DMD: variants seen among roughly 807,000 people sequenced by gnomAD.
DMD encodes mutant dystrophin.
Under a neutral mutation model 330.1 loss-of-function variants are expected in DMD, and 63 were observed. The observed-to-expected ratio is 0.19, with a 90% CI of 0.16 to 0.24. The LOEUF is 0.24. DMD is among the 10% of genes least tolerant of loss of function. The probability of loss-of-function intolerance (pLI) is 1.00; values close to 1 mark genes in which losing one functional copy is unlikely to be tolerated. For missense variants in DMD, 3,344 were observed against 2,684.1 expected (o/e 1.25, Z -5.43); for synonymous variants, 1,223 against 959.8 (o/e 1.27, Z -5.07).
chrX:31,361,722 A>C (rs2058945257), intron 60 of DMD, among the ~76,000 whole-genome samples: 1 of 110,607 alleles, frequency 9.0e-6, no homozygotes, highest in Non-Finnish European at 1.9e-5. Flanking sequence ...TTATAGTGTC[A>C]ATCTTTCCTT....
chrX:31,170,209 A>G (rs767858530), intron 73 of DMD, among the ~76,000 whole-genome samples: 68 of 112,007 alleles, frequency 6.1e-4, no homozygotes, highest in Non-Finnish European at 8.3e-4. Flanking sequence ...TTAAGGGGAA[A>G]AAAGACATTA....
intron 2 of DMD, among the ~76,000 whole-genome samples, chrX:32,919,272 G>A (rs2088147234): frequency 8.9e-6 from 1 of 111,889 alleles, no homozygotes; most frequent in African/African-American, 3.2e-5. Flanking sequence ...AATAGTGTTG[G>A]TTGATGAAAA....
intron 43 of DMD, among the ~76,000 whole-genome samples, chrX:32,249,881 C>A (rs2097256611): frequency 9.0e-6 from 1 of 111,619 alleles, no homozygotes; most frequent in Admixed American, 9.6e-5. Flanking sequence ...GGCTGCATCA[C>A]CTAGCCATAA....
intron 1 of DMD, among the ~76,000 whole-genome samples, chrX:33,064,126 G>C (rs2148103637): frequency 9.1e-6 from 1 of 110,450 alleles, no homozygotes; most frequent in East Asian, 2.9e-4. Flanking sequence ...CATTTTGATA[G>C]GGCACAGTAG....
At chrX:31,971,382 G>C in intron 44 of DMD, among the ~76,000 whole-genome samples, 1 of 111,460 alleles carries the variant, frequency 9.0e-6, no homozygotes, top group East Asian at 2.8e-4. Context: ...TTATTATTTC[G>C]GTTTCCCAAA....
rs183357170 is a variant in DMD, at chrX:32,789,484, T to A, written c.649+20009A>T. On this transcript the variant is annotated intron_variant, in intron 7 of 78. Coordinates refer to ENST00000357033, the MANE Select transcript of DMD (RefSeq NM_004006.3). ...ACTGAGCTTCTAAAAATTGCTGATG[T>A]CACAGCCCGTCCTCAGTGAAATAAA... 6.8e-4 allele frequency among the ~76,000 whole-genome samples: 76 copies of A among 112,201 alleles called. 1 individual carries two copies. The highest frequency in any genetic ancestry group is 1.8e-3 in the African/African-American group (57 of 30,942).
At chrX:33,277,951 A>T (rs1191037351) in intron 1 of DMD, among the ~76,000 whole-genome samples, 1 of 110,338 alleles carries the variant, frequency 9.1e-6, no homozygotes, top group African/African-American at 3.3e-5. Context: ...AACAATTTTT[A>T]AAAATGGGCC....
At chrX:31,741,828 C>T (rs2087365824) in intron 51 of DMD, among the ~76,000 whole-genome samples, 1 of 111,535 alleles carries the variant, frequency 9.0e-6, no homozygotes, top group Admixed American at 9.6e-5. Context: ...TTCTCTCTAG[C>T]TATGAAAGTC....
chrX:32,452,387 GGGAAAGGGAAGGGAAA>G lies in DMD; in HGVS notation c.3603+2259_3603+2274del, dbSNP rs1361466018. On this transcript the variant is annotated intron_variant, in intron 26 of 78. Coordinates refer to ENST00000357033, the MANE Select transcript of DMD (RefSeq NM_004006.3). ...AGGGAAAGGGAAAGGGAAAGGGAAA[GGGAAAGGGAAGGGAAA>G]GGAAAGGGAAAGGGAAAGGGAAAGG... 1.5e-3 allele frequency among the ~76,000 whole-genome samples: 27 copies of G among 17,801 alleles called. 7 individuals carry two copies. Among genetic ancestry groups the G allele is most frequent in the Non-Finnish European group, 2.3e-3 (22 of 9,399 alleles). 15.5% of individuals were successfully genotyped at this position (17,801 alleles called of 115,157 possible).
At chrX:33,148,494 A>G (rs895917021) in intron 1 of DMD, among the ~76,000 whole-genome samples, 1 of 112,131 alleles carries the variant, frequency 8.9e-6, no homozygotes, top group Admixed American at 9.6e-5. Flanking sequence ...GTTAAATTAA[A>G]TAAAAGAAGG....
chrX:32,355,652 C>A (rs967535067), intron 37 of DMD, among the ~76,000 whole-genome samples: 8 of 111,215 alleles, frequency 7.2e-5, no homozygotes, highest in African/African-American at 2.6e-4. Context: ...ACCAATTACA[C>A]ATGTGGAAAA....
chrX:32,556,734 T>C (rs2050346752), intron 16 of DMD, among the ~76,000 whole-genome samples: 1 of 112,004 alleles, frequency 8.9e-6, no homozygotes, highest in Non-Finnish European at 1.9e-5. Context: ...TATTTTTGAC[T>C]GATATTCTTA....
At chrX:32,899,393 C>A (rs946347488) in intron 2 of DMD, among the ~76,000 whole-genome samples, 6 of 110,703 alleles carry the variant, frequency 5.4e-5, no homozygotes, top group Non-Finnish European at 1.1e-4. Context: ...CTTAATTCTA[C>A]GGCCGGGTGC....
intron 2 of DMD, among the ~76,000 whole-genome samples, chrX:32,943,095 A>G (rs2090541746): frequency 8.9e-6 from 1 of 111,762 alleles, no homozygotes; most frequent in African/African-American, 3.2e-5. Flanking sequence ...AGATATAAAC[A>G]TGTTATTACA....
At chrX:32,208,250 C>T (rs189795695) in intron 44 of DMD, among the ~76,000 whole-genome samples, 1 of 112,055 alleles carries the variant, frequency 8.9e-6, no homozygotes, top group East Asian at 2.8e-4. Context: ...GTGGAAACAA[C>T]GTTGGTATTC....
chrX:32,778,264 T>G (rs1471263943), intron 7 of DMD, among the ~76,000 whole-genome samples: 1 of 104,280 alleles, frequency 9.6e-6, no homozygotes, highest in African/African-American at 3.5e-5. Flanking sequence ...AAAAAAAATA[T>G]GGACTTTCGT....
At chrX:32,107,047 T>G (rs2096567043) in intron 44 of DMD, among the ~76,000 whole-genome samples, 2 of 111,407 alleles carry the variant, frequency 1.8e-5, no homozygotes, top group African/African-American at 6.5e-5. Flanking sequence ...TCTGGGGACA[T>G]TTGTATGGGG....
intron 74 of DMD, among the ~76,000 whole-genome samples, chrX:31,160,564 T>C (rs956079590): frequency 1.2e-4 from 13 of 111,891 alleles, no homozygotes; most frequent in African/African-American, 4.2e-4. Flanking sequence ...CCATATAACA[T>C]TGCAGTTGGG....
intron 17 of DMD, among the ~76,000 whole-genome samples, chrX:32,536,556 T>C (rs185029941): frequency 2.7e-5 from 3 of 112,124 alleles, no homozygotes; most frequent in Non-Finnish European, 5.6e-5. Flanking sequence ...TTGCTATTAG[T>C]CTGTAAGAAG....
Sources: gnomAD v4.1 joint callset for allele counts (sites outside exome capture counted in the v4.1 genomes callset) on GRCh38, gnomAD v4.1.1 for gene constraint, MANE v1.5 for transcripts, NCBI Gene and HGNC (gene_info 2026-07-23, HGNC 2026-07-21) for gene names.